EEFSEC: variants seen among roughly 807,000 people sequenced by gnomAD.
EEFSEC encodes the protein eukaryotic elongation factor, selenocysteine-tRNA specific.
In EEFSEC, 43 loss-of-function variants were observed where a neutral mutation model predicts 42.1. The observed-to-expected ratio is 1.02, with a 90% CI of 0.80 to 1.32. The LOEUF (loss-of-function observed/expected upper bound fraction) is 1.32, where lower values mean the gene tolerates loss of function less well. Among genes scored for constraint, EEFSEC ranks in the 40% most tolerant of loss-of-function variants. EEFSEC has a pLI of 0.00. For missense variants in EEFSEC, 745 were observed against 803.6 expected, an observed-to-expected ratio of 0.93 and a Z score of 0.88; for synonymous variants, 354 against 339.1, an observed-to-expected ratio of 1.04 and a Z score of -0.48.
intron 4 of EEFSEC, among the ~76,000 whole-genome samples, chr3:128,309,829 C>T (rs192847609): frequency 6.6e-5 from 10 of 152,332 alleles, no homozygotes; most frequent in South Asian, 4.1e-4. Context: ...CGATTCTTGG[C>T]GCCCACTCTG....
intron 4 of EEFSEC, among the ~76,000 whole-genome samples, chr3:128,266,758 T>C (rs902284753): frequency 6.6e-6 from 1 of 151,876 alleles, no homozygotes; most frequent in East Asian, 2.0e-4. Context: ...CTGAAGACCA[T>C]TGGTCCCAGA....
At chr3:128,404,484 A>G (rs2068086308) in intron 6 of EEFSEC, among the ~76,000 whole-genome samples, 1 of 152,296 alleles carries the variant, frequency 6.6e-6, no homozygotes, top group Non-Finnish European at 1.5e-5. Flanking sequence ...GGGGAGCCCC[A>G]CGCCTTCTCA....
chr3:128,238,466 G>C (rs2066035306), intron 1 of EEFSEC, among the ~76,000 whole-genome samples: 1 of 152,220 alleles, frequency 6.6e-6, no homozygotes, highest in Non-Finnish European at 1.5e-5. Flanking sequence ...GTGATGTGAA[G>C]TCCTTGGCTC....
rs1944356069 is a variant in EEFSEC, at chr3:128,155,196, C to T, written c.316+1373C>T. 3.3e-5 allele frequency among the ~76,000 whole-genome samples: 5 copies of T among 152,158 alleles called. No homozygotes were observed. In the South Asian group the frequency reaches 1.0e-3, roughly 32 times the overall value. ...GTGGTGCAATCTTGGCTCACTGCAA[C>T]CTCTTTCTCCCCGGTTCAAGCGATT... On this transcript the variant is annotated intron_variant, in intron 1 of 6. Transcript: ENST00000254730.
At chr3:128,379,414 A>C (rs1408085192) in intron 6 of EEFSEC, among the ~76,000 whole-genome samples, 2 of 152,262 alleles carry the variant, frequency 1.3e-5, no homozygotes, top group Non-Finnish European at 2.9e-5. Flanking sequence ...ATTATAAATA[A>C]TTGTAGATGA....
chr3:128,158,542 T>C (rs2492284), intron 1 of EEFSEC, among the ~76,000 whole-genome samples: 22,801 of 152,250 alleles, frequency 0.15, 1,830 homozygotes, highest in Admixed American at 0.2. Context: ...ACCATCACCA[T>C]TGAGGCAAGA....
intron 6 of EEFSEC, among the ~76,000 whole-genome samples, chr3:128,394,585 T>C (rs562586366): frequency 5.3e-5 from 8 of 152,338 alleles, no homozygotes; most frequent in African/African-American, 1.4e-4. Flanking sequence ...GGTATTTTAA[T>C]TGAAGATTAA....
intron 1 of EEFSEC, among the ~76,000 whole-genome samples, chr3:128,210,568 T>G (rs1417997813): frequency 6.6e-6 from 1 of 152,004 alleles, no homozygotes; most frequent in Non-Finnish European, 1.5e-5. Flanking sequence ...AGTGGTAGAG[T>G]GCTTGGGATA....
At chr3:128,322,694 C>T (rs539487710) in intron 4 of EEFSEC, among the ~76,000 whole-genome samples, 2 of 152,340 alleles carry the variant, frequency 1.3e-5, no homozygotes, top group African/African-American at 4.8e-5. Flanking sequence ...CAGAGTGGCC[C>T]TTAATGGTTG....
In EEFSEC at chr3:128,312,690, G is replaced by A. The variant is rs2066902545; in HGVS notation, c.787-28543G>A. ...CTGCTTGTCAAGGTACAGATGACAG[G>A]CAGGGCTACAGCAGGTGTGGCTTCC... On this transcript the variant is annotated intron_variant, in intron 4 of 6. Transcript: ENST00000254730. 2.0e-5 allele frequency among the ~76,000 whole-genome samples: 3 copies of A among 152,250 alleles called. No homozygotes were observed. The South Asian group carries it at 6.2e-4, about 31-fold the overall frequency.
chr3:128,362,171 C>A, intron 6 of EEFSEC: 1 of 513,626 alleles, frequency 1.9e-6, no homozygotes, highest in Non-Finnish European at 4.0e-6. Context: ...GCCGTCTGTC[C>A]CACCGCTGCC....
chr3:128,208,088 C>G (rs189376740), intron 1 of EEFSEC, among the ~76,000 whole-genome samples: 1 of 152,144 alleles, frequency 6.6e-6, no homozygotes, highest in Admixed American at 6.5e-5. Context: ...AGTACTGCTA[C>G]GGAAACTACA....
intron 1 of EEFSEC, among the ~76,000 whole-genome samples, chr3:128,232,142 G>T (rs2065965282): frequency 6.6e-6 from 1 of 152,048 alleles, no homozygotes; most frequent in Admixed American, 6.6e-5. Flanking sequence ...GTATATGAGG[G>T]CAAAGGATAA....
At chr3:128,211,236 G>A (rs149781359) in intron 1 of EEFSEC, among the ~76,000 whole-genome samples, 1 of 152,250 alleles carries the variant, frequency 6.6e-6, no homozygotes, top group African/African-American at 2.4e-5. Context: ...CTACAGAAAT[G>A]TAGGAAGGCT....
At chr3:128,357,066 C>T (rs1268897334) in intron 5 of EEFSEC, among the ~76,000 whole-genome samples, 1 of 152,236 alleles carries the variant, frequency 6.6e-6, no homozygotes, top group Non-Finnish European at 1.5e-5. Context: ...GTGCATTGCT[C>T]ATTTCCATAA....
intron 3 of EEFSEC, among the ~76,000 whole-genome samples, chr3:128,262,682 C>G (rs184236817): frequency 6.6e-6 from 1 of 152,194 alleles, no homozygotes; most frequent in Admixed American, 6.5e-5. Context: ...AATGCAGCTT[C>G]CATCCTGGGC....
intron 4 of EEFSEC, among the ~76,000 whole-genome samples, chr3:128,280,125 G>C (rs1030782101): frequency 2.6e-5 from 4 of 152,184 alleles, no homozygotes; most frequent in Non-Finnish European, 5.9e-5. Context: ...CAATATGTAT[G>C]ATTTGGTCCC....
chr3:128,172,253 G>A (rs2065306405), intron 1 of EEFSEC, among the ~76,000 whole-genome samples: 1 of 152,220 alleles, frequency 6.6e-6, no homozygotes, highest in Admixed American at 6.5e-5. Flanking sequence ...GAAAACAGCA[G>A]TGGTAGCAAG....
chr3:128,371,738 C>A (rs115000622), intron 6 of EEFSEC, among the ~76,000 whole-genome samples: 2,807 of 152,342 alleles, frequency 0.018, 91 homozygotes, highest in African/African-American at 0.063. Flanking sequence ...GCCTCGTGGG[C>A]AGCCTCTGGC....
Sources: gnomAD v4.1 joint callset for allele counts (sites outside exome capture counted in the v4.1 genomes callset) on GRCh38, gnomAD v4.1.1 for gene constraint, MANE v1.5 for transcripts, NCBI Gene and HGNC (gene_info 2026-07-23, HGNC 2026-07-21) for gene names.